ZNF131: variants seen among roughly 807,000 people sequenced by gnomAD.
ZNF131 encodes the protein zinc finger protein 131.
Under a neutral mutation model 60.0 loss-of-function variants are expected in ZNF131, and 7 were observed. The observed-to-expected ratio is 0.12, with a 90% CI of 0.07 to 0.22. The LOEUF (loss-of-function observed/expected upper bound fraction) is 0.22, where lower values mean the gene tolerates loss of function less well. ZNF131 is among the 10% of genes least tolerant of loss of function. The pLI is 1.00. For synonymous variants in ZNF131, 257 were observed against 253.2 expected, an observed-to-expected ratio of 1.01 and a Z score of -0.14; for missense variants, 493 against 740.9, an observed-to-expected ratio of 0.67 and a Z score of 3.88.
At chr5:43,149,163 C>T (rs760230460) in intron 4 of ZNF131, among the ~76,000 whole-genome samples, 13 of 151,766 alleles carry the variant, frequency 8.6e-5, no homozygotes, top group Non-Finnish European at 1.5e-4. Flanking sequence ...CCCAGCTACT[C>T]GGGAGGCTGA....
chr5:43,156,152 T>A (rs1251557987), intron 4 of ZNF131, among the ~76,000 whole-genome samples: 2 of 152,296 alleles, frequency 1.3e-5, no homozygotes, highest in African/African-American at 4.8e-5. Context: ...GCAACAACAG[T>A]ATACATAGAA....
intron 3 of ZNF131, among the ~76,000 whole-genome samples, chr5:43,126,836 A>C (rs2112128023): frequency 6.6e-6 from 1 of 152,264 alleles, no homozygotes; most frequent in East Asian, 1.9e-4. Flanking sequence ...AGAGAGAAGA[A>C]AAATTACCAG....
intron 5 of ZNF131, among the ~76,000 whole-genome samples, chr5:43,168,294 A>G (rs961526995): frequency 2.0e-5 from 3 of 152,190 alleles, no homozygotes; most frequent in African/African-American, 7.2e-5. Flanking sequence ...CCCTTTGATG[A>G]CTCAGAAAGG....
At chr5:43,130,957 G>A (rs944545048) in intron 3 of ZNF131, among the ~76,000 whole-genome samples, 3 of 151,716 alleles carry the variant, frequency 2.0e-5, no homozygotes, top group Admixed American at 6.6e-5. Flanking sequence ...TCCATCTCCC[G>A]GGTTCAGGTG....
At chr5:43,131,697 C>A (rs1341420423) in intron 3 of ZNF131, among the ~76,000 whole-genome samples, 1 of 151,954 alleles carries the variant, frequency 6.6e-6, no homozygotes, top group Non-Finnish European at 1.5e-5. Context: ...TTCAGCAAAG[C>A]CTTTCTAGTA....
chr5:43,127,735 A>T (rs1162057888), intron 3 of ZNF131, among the ~76,000 whole-genome samples: 3 of 152,216 alleles, frequency 2.0e-5, no homozygotes, highest in Non-Finnish European at 4.4e-5. Flanking sequence ...ATTTGTTGCT[A>T]TTGAAGCTAA....
chr5:43,169,400 CAGGT>C (rs1235507263), intron 5 of ZNF131, among the ~76,000 whole-genome samples: 3 of 152,306 alleles, frequency 2.0e-5, no homozygotes, highest in East Asian at 1.9e-4. Context: ...CGTTTCTACT[CAGGT>C]AGATCTCTTG....
Position 43,148,304 on chromosome 5 carries a change from A to G in ZNF131, c.371+8995A>G, listed in dbSNP as rs756337748. 3.3e-5 allele frequency among the ~76,000 whole-genome samples: 5 copies of G among 152,102 alleles called. No homozygotes were observed. In the East Asian group the frequency reaches 7.7e-4, roughly 23 times the overall value. On this transcript the variant is annotated intron_variant, in intron 4 of 6. Coordinates refer to ENST00000682664, the MANE Select transcript of ZNF131 (RefSeq NM_001330707.2). Reference sequence around the variant, plus strand: ...TGAGGTTTGAGGATTGCTTGAGCCCAGGAGGTTGAGGCTGCAGTGAGTAGT... The same window carrying G: ...TGAGGTTTGAGGATTGCTTGAGCCCGGGAGGTTGAGGCTGCAGTGAGTAGT...
At position 43,161,256 on chromosome 5, in the gene ZNF131, G is replaced by C; in HGVS notation, c.379G>C (p.Glu127Gln). 1 of 1,593,056 alleles carries C rather than the reference G, an allele frequency of 6.3e-7. No individual in the cohort carries two copies. The highest frequency in any genetic ancestry group is 8.5e-7 in the Non-Finnish European group (1 of 1,172,674). Residue 127 changes from glutamate (E) to glutamine (Q), a missense_variant, in exon 5 of 7, where the codon GAA (glutamate) becomes CAA (glutamine). Physicochemically the swap from Glu to Gln is conservative, Grantham distance 29. Transcript: ENST00000682664. ...AIKALEVRNK[E>Q]NSAPLEENTT... ...CTACATTATGTATTTCAGGAACAAA[G>C]AAAACTCAGCTCCCTTAGAGGAAAA...
chr5:43,141,019 G>A (rs551383576), intron 4 of ZNF131, among the ~76,000 whole-genome samples: 4 of 152,012 alleles, frequency 2.6e-5, no homozygotes, highest in South Asian at 2.1e-4. Flanking sequence ...GTGACTGGCC[G>A]AATAAAAGTT....
In ZNF131 at chr5:43,175,075, A is replaced by T; in HGVS notation, c.1814A>T (p.Asp605Val). 3.7e-6 allele frequency: 6 copies of T among 1,614,232 alleles called. No individual in the cohort carries two copies. In the African/African-American group the frequency reaches 8.0e-5, roughly 22 times the overall value. The change falls in exon 7 of 7, where the codon GAT becomes GTT. Residue 605 changes from aspartate (D) to valine (V), a missense_variant. Physicochemically the swap from Asp to Val is radical, Grantham distance 152. Around this residue, in one of 7 missense-constraint regions of ZNF131, gnomAD observed 202 missense variants for 221.3 expected, o/e 0.91. Coordinates refer to ENST00000682664, the MANE Select transcript of ZNF131 (RefSeq NM_001330707.2). ...AEDLETKPTV[D>V]SEAEKAENED... ...GATTTAGAGACCAAGCCAACAGTGGATTCTGAAGCAGAAAAGGCAGAGAAT... is the reference window on the plus strand; with the variant it reads ...GATTTAGAGACCAAGCCAACAGTGGTTTCTGAAGCAGAAAAGGCAGAGAAT...
At chr5:43,168,385 A>G (rs1750611150) in intron 5 of ZNF131, among the ~76,000 whole-genome samples, 1 of 152,158 alleles carries the variant, frequency 6.6e-6, no homozygotes, top group Non-Finnish European at 1.5e-5. Context: ...GAGGAAACAA[A>G]TTGTTTGGAT....
At position 43,175,719 on chromosome 5, in the gene ZNF131, T is replaced by TA. The variant is rs59888761; in HGVS notation, c.*601dup. The TA allele has an allele frequency of 0.056, 12,673 of 225,590 alleles. 569 individuals are homozygous for TA. Among genetic ancestry groups the TA allele is most frequent in the African/African-American group, 0.16 (6,476 of 40,826 alleles). The allele number at this position is 225,590 out of a possible 1,614,324, so 14.0% of individuals were successfully genotyped here. On this transcript the variant is annotated 3_prime_UTR_variant, in exon 7 of 7. Coordinates refer to ENST00000682664, the MANE Select transcript of ZNF131 (RefSeq NM_001330707.2). ...GGTGGTGGCAAAATTTCTAGAATGTTAAAAAAAAAAAAAAATCCACACCCA... is the reference window on the plus strand; with the variant it reads ...GGTGGTGGCAAAATTTCTAGAATGTTAAAAAAAAAAAAAAAATCCACACCCA...
intron 5 of ZNF131, among the ~76,000 whole-genome samples, chr5:43,167,385 T>G (rs950075524): frequency 2.6e-5 from 4 of 152,124 alleles, no homozygotes; most frequent in African/African-American, 9.7e-5. Context: ...ACAATAAAAT[T>G]AGGTCTGTAA....
chr5:43,132,505 CTTTT>C (rs4050538), intron 3 of ZNF131, among the ~76,000 whole-genome samples: 950 of 93,506 alleles, frequency 0.01, 10 homozygotes, highest in African/African-American at 0.038. Flanking sequence ...GAATGGTATT[CTTTT>C]TTTTTTTTTT....
rs573358554 is a variant in ZNF131, at chr5:43,170,138, A to G, written c.1055-3180A>G. Among the ~76,000 whole-genome samples, 6 of 152,168 alleles carry G rather than the reference A, an allele frequency of 3.9e-5. No individual in the cohort carries two copies. In the South Asian group the frequency reaches 1.0e-3, roughly 26 times the overall value. On this transcript the variant is annotated intron_variant, in intron 5 of 6. Transcript: ENST00000682664. ...GCCAATTTGTTTCCAGGTCTCACTG[A>G]TAATGAAAAATTATTCATTGATAAA...
intron 3 of ZNF131, among the ~76,000 whole-genome samples, chr5:43,128,650 C>G (rs1312054474): frequency 6.9e-5 from 7 of 101,806 alleles, no homozygotes; most frequent in Non-Finnish European, 1.3e-4. Context: ...GAGCGAGACT[C>G]CATCTCAAAA....
intron 5 of ZNF131, among the ~76,000 whole-genome samples, chr5:43,165,575 T>C (rs1750245188): frequency 6.6e-6 from 1 of 152,238 alleles, no homozygotes; most frequent in East Asian, 1.9e-4. Flanking sequence ...GGTTTCAACA[T>C]TGGGCTTAAA....
chr5:43,134,879 G>A (rs1745861335), intron 3 of ZNF131, among the ~76,000 whole-genome samples: 1 of 150,558 alleles, frequency 6.6e-6, no homozygotes, highest in African/African-American at 2.4e-5. Flanking sequence ...TGTATTTTTA[G>A]TAGAGATGAG....
Sources: allele counts gnomAD v4.1 joint callset (sites outside exome capture counted in the v4.1 genomes callset), GRCh38; gene constraint gnomAD v4.1.1; regional missense constraint gnomAD v4.1.1; transcripts MANE v1.5; gene names NCBI Gene and HGNC (gene_info 2026-07-23, HGNC 2026-07-21).